The following TXNRD1 variants were observed in gnomAD, a reference collection of about 807,000 sequenced individuals.
The protein encoded by TXNRD1 is thioredoxin reductase 1, also known as thioredoxin reductase 1, cytoplasmic.
In TXNRD1, 57 loss-of-function variants were observed where a neutral mutation model predicts 80.3. The ratio of observed to expected loss-of-function variants is 0.71; its 90% CI spans 0.57 to 0.89. TXNRD1 has a LOEUF of 0.89. Ranked by LOEUF, TXNRD1 falls within the 40% of genes least tolerant of loss-of-function variation. The pLI, the probability that TXNRD1 is intolerant of heterozygous loss-of-function variation, is 0.00. For missense variants in TXNRD1, 730 were observed against 803.0 expected (o/e 0.91, Z 1.10); for synonymous variants, 291 against 285.2 (o/e 1.02, Z -0.20).
intron 7 of TXNRD1, among the ~76,000 whole-genome samples, chr12:104,316,663 A>G (rs1200341409): frequency 6.6e-6 from 1 of 152,210 alleles, no homozygotes; most frequent in Non-Finnish European, 1.5e-5. Context: ...TGCTGGGATT[A>G]CAGGTGTGAG....
intron 1 of TXNRD1, among the ~76,000 whole-genome samples, chr12:104,227,146 A>G (rs1037266936): frequency 2.6e-5 from 4 of 152,222 alleles, no homozygotes; most frequent in Non-Finnish European, 4.4e-5. Flanking sequence ...GCAGTGTTTT[A>G]TAACAACTGC....
intron 2 of TXNRD1, among the ~76,000 whole-genome samples, chr12:104,252,690 ATTTTTTTTTTTTTT>A (rs869239974): frequency 2.5e-5 from 1 of 39,650 alleles, no homozygotes; most frequent in African/African-American, 1.2e-4. Context: ...ATATATATAT[ATTTTTTTTTTTTTT>A]TTTTTTTTTT....
At chr12:104,267,788 T>C (rs1593729746) in intron 3 of TXNRD1, among the ~76,000 whole-genome samples, 1 of 139,850 alleles carries the variant, frequency 7.2e-6, no homozygotes, top group African/African-American at 2.6e-5. Flanking sequence ...CCTTCCCTCC[T>C]TCCTTCCTTC....
chr12:104,296,807 G>C (rs2135765027), intron 4 of TXNRD1, among the ~76,000 whole-genome samples: 1 of 152,308 alleles, frequency 6.6e-6, no homozygotes, highest in East Asian at 1.9e-4. Flanking sequence ...CAGCATATTG[G>C]AAAGCAGTTC....
intron 4 of TXNRD1, among the ~76,000 whole-genome samples, chr12:104,305,792 G>C (rs1593799015): frequency 6.6e-6 from 1 of 152,200 alleles, no homozygotes; most frequent in East Asian, 1.9e-4. Flanking sequence ...TTCTTCTCTG[G>C]CCCCTAGTGT....
In TXNRD1 at chr12:104,328,967, C is replaced by T. The variant is rs563462298; in HGVS notation, c.1542+1296C>T. 2.6e-3 allele frequency among the ~76,000 whole-genome samples: 403 copies of T among 152,216 alleles called. 2 individuals are homozygous for T. Among genetic ancestry groups the T allele is most frequent in the African/African-American group, 9.3e-3 (385 of 41,516 alleles). On this transcript the variant is annotated intron_variant, in intron 13 of 16. Coordinates refer to ENST00000525566, the MANE Select transcript of TXNRD1 (RefSeq NM_001093771.3). ...AAACATTAGTTGTAAAGAATTTTGG[C>T]ATTACCCATTTTCCTTACATTGGTT...
rs1173304040 is a variant in TXNRD1, at chr12:104,349,568, G to C, written c.*1147G>C. 1 of 152,620 alleles carries C rather than the reference G, an allele frequency of 6.6e-6. No individual in the cohort carries two copies. The highest frequency in any genetic ancestry group is 6.5e-5 in the Admixed American group (1 of 15,282). The allele number at this position is 152,620 out of a possible 1,614,324, so 9.5% of individuals were successfully genotyped here. On this transcript the variant is annotated 3_prime_UTR_variant, in exon 17 of 17. Transcript: ENST00000525566. ...GTTGAATGAACAACTGTGCCTTGTG[G>C]AATTTTTGCAGAAGTGTTTATGCTT...
intron 3 of TXNRD1, among the ~76,000 whole-genome samples, chr12:104,277,975 C>T (rs1002182361): frequency 1.3e-5 from 2 of 150,616 alleles, no homozygotes; most frequent in East Asian, 3.9e-4. Flanking sequence ...CTCCCGGGTT[C>T]ACTCCATTCT....
intron 16 of TXNRD1, among the ~76,000 whole-genome samples, chr12:104,340,442 C>T (rs1834665029): frequency 6.6e-6 from 1 of 152,134 alleles, no homozygotes; most frequent in African/African-American, 2.4e-5. Context: ...TTAAAAATAG[C>T]AGATATTTCC....
intron 2 of TXNRD1, among the ~76,000 whole-genome samples, chr12:104,257,494 C>T (rs974924671): frequency 1.2e-4 from 18 of 151,062 alleles, no homozygotes; most frequent in African/African-American, 4.1e-4. Context: ...GCAACCTCCG[C>T]CTCCTGAGTT....
chr12:104,327,738 G>T (rs985325324), intron 13 of TXNRD1, 67 bp downstream of exon 13: 14 of 1,533,516 alleles, frequency 9.1e-6, no homozygotes, highest in African/African-American at 1.4e-5. Flanking sequence ...TTATTTAGGG[G>T]GCAGTTGGGA....
chr12:104,233,590 C>T (rs1277052338), intron 1 of TXNRD1, among the ~76,000 whole-genome samples: 2 of 152,184 alleles, frequency 1.3e-5, no homozygotes, highest in Admixed American at 6.5e-5. Flanking sequence ...GGCACAATCT[C>T]GGCTCACTGC....
chr12:104,327,291 T>C (rs190598376), intron 12 of TXNRD1, among the ~76,000 whole-genome samples: 3 of 152,316 alleles, frequency 2.0e-5, no homozygotes, highest in Admixed American at 2.0e-4. Flanking sequence ...TTCTCAGATT[T>C]CTTAGAGTTT....
At position 104,267,679 on chromosome 12, in the gene TXNRD1, TTC is replaced by T. The variant is rs370477049; in HGVS notation, c.304+9602_304+9603del. 1.6e-3 allele frequency among the ~76,000 whole-genome samples: 74 copies of T among 46,048 alleles called. 1 individual carries two copies. Among genetic ancestry groups the T allele is most frequent in the Non-Finnish European group, 2.2e-3 (40 of 18,524 alleles). The allele number at this position is 46,048 out of a possible 152,430, so 30.2% of individuals were successfully genotyped here. A position where few individuals can be genotyped will look rare whatever the true frequency, so the allele number is the denominator to read the frequency against. On this transcript the variant is annotated intron_variant, in intron 3 of 16. Transcript: ENST00000525566. ...TTTCTTTCTTTCTTTCTTTCTTTCT[TTC>T]TTTCTTTCTTTCTTTCTTTCTCTCT...
intron 16 of TXNRD1, chr12:104,339,547 T>A (rs2135885521): frequency 3.9e-6 from 2 of 512,780 alleles, no homozygotes; most frequent in South Asian, 3.5e-5. Flanking sequence ...TCTAAATTAT[T>A]TTCATGGCAA....
chr12:104,268,799 G>A (rs1445362940), intron 3 of TXNRD1, among the ~76,000 whole-genome samples: 1 of 151,810 alleles, frequency 6.6e-6, no homozygotes, highest in Non-Finnish European at 1.5e-5. Flanking sequence ...TTACAGTCGT[G>A]AGCCACCGCA....
At chr12:104,230,928 T>C (rs890384851) in intron 1 of TXNRD1, among the ~76,000 whole-genome samples, 1 of 152,130 alleles carries the variant, frequency 6.6e-6, no homozygotes, top group African/African-American at 2.4e-5. Context: ...CATGATGTTT[T>C]ACACACGTGA....
chr12:104,285,930 T>A (rs1339603711), intron 3 of TXNRD1: 2 of 152,170 alleles, frequency 1.3e-5, no homozygotes, highest in Admixed American at 6.6e-5. Flanking sequence ...CAAACACTCA[T>A]GTCAATAATC....
At position 104,251,678 on chromosome 12, in the gene TXNRD1, G is replaced by A; in HGVS notation, c.243G>A (p.Glu81=). The A allele has an allele frequency of 6.2e-7, 1 of 1,611,998 alleles. No individual in the cohort carries two copies. The highest frequency in any genetic ancestry group is 8.5e-7 in the Non-Finnish European group (1 of 1,179,366). ...GGTCCACATGCACACGCTGTACTGA[G>A]GTAAGGCTTTAAACTCAAGGGGTTT... The part of the protein sequence containing the change: ...FSRSTCTRCT[E]VKKLFKSLCV... Residue 81 remains glutamate, a splice_region_variant and synonymous_variant, in exon 2 of 17, where the codon GAG becomes GAA. Transcript: ENST00000525566.
Sources: allele counts gnomAD v4.1 joint callset (sites outside exome capture counted in the v4.1 genomes callset), GRCh38; gene constraint gnomAD v4.1.1; transcripts MANE v1.5; gene names NCBI Gene and HGNC (gene_info 2026-07-23, HGNC 2026-07-21).